The following TPTE2 variants were observed in gnomAD, a reference collection of about 807,000 sequenced individuals.
The protein encoded by TPTE2 is transmembrane phosphoinositide 3-phosphatase and tensin homolog 2.
TPTE2 carries 53 observed loss-of-function variants against 78.6 expected under a neutral mutation model. The ratio of observed to expected loss-of-function variants is 0.67; its 90% CI spans 0.54 to 0.85. The LOEUF is 0.85. TPTE2 is among the 40% of genes least tolerant of loss of function. The pLI is 0.00. For missense variants in TPTE2, 461 were observed against 623.0 expected, an observed-to-expected ratio of 0.74 and a Z score of 2.77; for synonymous variants, 175 against 206.2, an observed-to-expected ratio of 0.85 and a Z score of 1.30.
rs768537073 is a variant in TPTE2 at position 19,465,569 on chromosome 13, C to G, written c.513-5G>C. 4 of 1,578,816 alleles carry G rather than the reference C, an allele frequency of 2.5e-6. No individual in the cohort carries two copies. In the East Asian group the frequency reaches 9.0e-5, roughly 35 times the overall value. ...AGTCGAACTAAATGTGTCCATCTAA[C>G]AATAAATTTAAAAGATCCATTTTTG... On this transcript the variant is annotated splice_region_variant and splice_polypyrimidine_tract_variant and intron_variant, in intron 7 of 19. Coordinates refer to ENST00000400230, the Ensembl canonical transcript of TPTE2.
intron 13 of TPTE2, among the ~76,000 whole-genome samples, chr13:19,449,778 G>C (rs542037433): frequency 6.6e-6 from 1 of 152,064 alleles, no homozygotes; most frequent in Non-Finnish European, 1.5e-5. Context: ...TATTTTGAGA[G>C]ATATAAACTG....
At chr13:19,448,362 G>T (rs1200161848) in intron 13 of TPTE2, among the ~76,000 whole-genome samples, 1 of 152,066 alleles carries the variant, frequency 6.6e-6, no homozygotes, top group Non-Finnish European at 1.5e-5. Flanking sequence ...GCACAGCAAA[G>T]GAAACATTTA....
chr13:19,455,591 T>C (rs71433581), intron 10 of TPTE2, among the ~76,000 whole-genome samples: 28,608 of 125,218 alleles, frequency 0.23, 3,786 homozygotes, highest in African/African-American at 0.41. Flanking sequence ...AAGCTAATTG[T>C]AGACCAGCTG....
chr13:19,503,696 C>G (rs943452337), upstream of TPTE2, among the ~76,000 whole-genome samples: 1 of 152,184 alleles, frequency 6.6e-6, no homozygotes, highest in Non-Finnish European at 1.5e-5. Context: ...AACTGCAGGT[C>G]TGAGTCAAGG....
At chr13:19,423,046 A>G (rs1342634722) in exon 20 of TPTE2, 6 of 1,611,662 alleles carry the variant, frequency 3.7e-6, no homozygotes, top group South Asian at 1.1e-5. Flanking sequence ...GGATCCAGCT[A>G]CAACATCATT....
At chr13:19,550,706 T>C in the TPTE2 span, among the ~76,000 whole-genome samples, 1 of 152,202 alleles carries the variant, frequency 6.6e-6, no homozygotes, top group Admixed American at 6.5e-5. Context: ...GATCTTGAAC[T>C]TCTAACCACT....
intron 15 of TPTE2, among the ~76,000 whole-genome samples, chr13:19,435,736 C>A (rs1417896053): frequency 6.9e-6 from 1 of 145,944 alleles, no homozygotes; most frequent in Non-Finnish European, 1.5e-5. Flanking sequence ...AATACATCTC[C>A]CCCACAACAC....
intron 16 of TPTE2, 73 bp from the exon 20 acceptor site, chr13:19,430,620 C>A (rs1459383912): frequency 1.5e-5 from 16 of 1,037,720 alleles, no homozygotes; most frequent in African/African-American, 4.9e-5. Flanking sequence ...CACTTAACAT[C>A]ATGGATTAAA....
chr13:19,459,574 C>G (rs1284660907), intron 10 of TPTE2, among the ~76,000 whole-genome samples: 1 of 152,202 alleles, frequency 6.6e-6, no homozygotes, highest in Non-Finnish European at 1.5e-5. Flanking sequence ...TTCTCCAAAG[C>G]CAGCAGGTTG....
At chr13:19,497,146 C>G (rs570286385) in intron 1 of TPTE2, among the ~76,000 whole-genome samples, 9 of 152,006 alleles carry the variant, frequency 5.9e-5, no homozygotes, top group Admixed American at 5.9e-4. Flanking sequence ...CTTGGAGGGT[C>G]CTACGCCCAC....
intron 1 of TPTE2, among the ~76,000 whole-genome samples, chr13:19,524,373 C>T (rs1870372246): frequency 1.3e-5 from 2 of 152,228 alleles, no homozygotes; most frequent in South Asian, 4.2e-4. Context: ...GTCCAAGAAA[C>T]CTCAAACCAA....
chr13:19,535,001 C>T lies in TPTE2; in HGVS notation c.-44+1595G>A, dbSNP rs906303554. Among the ~76,000 whole-genome samples the T allele has an allele frequency of 2.3e-4, 35 of 152,112 alleles. 1 individual carries two copies. The highest frequency in any genetic ancestry group is 3.9e-4 in the Admixed American group (6 of 15,266). Reference sequence around the variant, plus strand: ...GTGTTATCACTTGAGGTCAGGAGTTCGAGACCAGCCTGGCCAACATCGTGA... The same window carrying T: ...GTGTTATCACTTGAGGTCAGGAGTTTGAGACCAGCCTGGCCAACATCGTGA... On this transcript the variant is annotated intron_variant, in intron 1 of 17. Transcript: ENST00000390680. This position sits in a 1 kb window ranked among gnomAD's most constrained non-coding sequence, Gnocchi z 5.1.
At chr13:19,533,851 C>G (rs1327814402) in intron 1 of TPTE2, among the ~76,000 whole-genome samples, 1 of 152,212 alleles carries the variant, frequency 6.6e-6, no homozygotes, top group Non-Finnish European at 1.5e-5. Flanking sequence ...AAGACACACT[C>G]AGAGCGTTTC....
intron 3 of TPTE2, among the ~76,000 whole-genome samples, chr13:19,484,142 T>G (rs1177876808): frequency 1.3e-5 from 2 of 152,200 alleles, no homozygotes; most frequent in East Asian, 3.8e-4. Context: ...CTGTGTCTCC[T>G]GTTTTGGTAT....
intron 10 of TPTE2, among the ~76,000 whole-genome samples, chr13:19,456,404 G>C (rs1287733256): frequency 6.6e-6 from 1 of 152,136 alleles, no homozygotes; most frequent in African/African-American, 2.4e-5. Context: ...AGAAATGCTT[G>C]AGCCCAGGTG....
At chr13:19,487,152 A>T (rs139924023) in intron 3 of TPTE2, among the ~76,000 whole-genome samples, 3,735 of 152,132 alleles carry the variant, frequency 0.025, 65 homozygotes, top group Middle Eastern at 0.051. Context: ...CTGTTCCTCA[A>T]GCTGGGACAT....
At chr13:19,449,366 G>C (rs1415907056) in intron 13 of TPTE2, among the ~76,000 whole-genome samples, 10 of 151,950 alleles carry the variant, frequency 6.6e-5, no homozygotes, top group Non-Finnish European at 1.5e-4. Flanking sequence ...GTAGAGATGG[G>C]GCTTCACCAT....
chr13:19,550,071 C>T, the TPTE2 span, among the ~76,000 whole-genome samples: 2 of 142,444 alleles, frequency 1.4e-5, no homozygotes, highest in African/African-American at 5.0e-5. Context: ...ACCTGGGTGA[C>T]AAAATTATCT....
At chr13:19,471,984 T>A (rs1879643928) in intron 6 of TPTE2, among the ~76,000 whole-genome samples, 1 of 152,172 alleles carries the variant, frequency 6.6e-6, no homozygotes, top group Admixed American at 6.5e-5. Flanking sequence ...ACTTTCAATA[T>A]GTCATGCCAC....
Sources: allele counts gnomAD v4.1 joint callset (sites outside exome capture counted in the v4.1 genomes callset), GRCh38; gene constraint gnomAD v4.1.1; non-coding constraint Gnocchi (gnomAD v3.1); transcripts MANE v1.5; gene names NCBI Gene and HGNC (gene_info 2026-07-23, HGNC 2026-07-21).